Variants in TEKT5 observed in about 807,000 individuals in gnomAD.
TEKT5 encodes the protein tektin 5, also known as tektin-5.
Under a neutral mutation model 48.7 loss-of-function variants are expected in TEKT5, and 52 were observed. The observed-to-expected ratio is 1.07, with a 90% CI of 0.86 to 1.35. The LOEUF (loss-of-function observed/expected upper bound fraction) is 1.35, where lower values mean the gene tolerates loss of function less well. TEKT5 is among the 40% of genes most tolerant of loss of function. The pLI is 0.00. For missense variants in TEKT5, 831 were observed against 641.6 expected (o/e 1.30, Z -3.19); for synonymous variants, 318 against 267.6 (o/e 1.19, Z -1.84).
At chr16:10,681,371 CTCTCTG>C (rs1439875997) in intron 4 of TEKT5, among the ~76,000 whole-genome samples, 993 of 30,726 alleles carry the variant, frequency 0.032, 16 homozygotes, top group African/African-American at 0.19. Context: ...CCAGATTCCA[CTCTCTG>C]TCTCTCTCTC....
At chr16:10,649,579 C>T (rs749029708) in intron 5 of TEKT5, among the ~76,000 whole-genome samples, 12 of 151,692 alleles carry the variant, frequency 7.9e-5, no homozygotes, top group African/African-American at 1.2e-4. Context: ...GGACTACAGA[C>T]GTACACCACC....
At chr16:10,652,603 G>A (rs28528804) in intron 5 of TEKT5, among the ~76,000 whole-genome samples, 6 of 12,236 alleles carry the variant, frequency 4.9e-4, no homozygotes, top group East Asian at 2.6e-3. Context: ...TACACAGGCA[G>A]ACACACACAC....
At chr16:10,628,729 A>AC (rs1163198986) in intron 6 of TEKT5, among the ~76,000 whole-genome samples, 13 of 152,034 alleles carry the variant, frequency 8.6e-5, no homozygotes, top group African/African-American at 3.1e-4. Flanking sequence ...ACATGGTGAA[A>AC]CCCCATCTCT....
intron 3 of TEKT5, among the ~76,000 whole-genome samples, chr16:10,685,968 G>A (rs1269007169): frequency 2.0e-5 from 3 of 152,108 alleles, no homozygotes; most frequent in Admixed American, 6.6e-5. Context: ...TCACTCTGCC[G>A]GCTCAAACTA....
intron 5 of TEKT5, among the ~76,000 whole-genome samples, chr16:10,659,124 C>T (rs1898316318): frequency 6.6e-6 from 1 of 152,202 alleles, no homozygotes. Context: ...ACCCCGCAAG[C>T]TGTGACAACC....
intron 6 of TEKT5, among the ~76,000 whole-genome samples, chr16:10,628,866 A>T (rs1458580427): frequency 6.7e-6 from 1 of 148,990 alleles, no homozygotes; most frequent in African/African-American, 2.5e-5. Flanking sequence ...AGATCACATC[A>T]TTGCACTCCA....
chr16:10,627,943 A>C, intron 6 of TEKT5, 144 bp from the exon 7 acceptor site: 1 of 638,432 alleles, frequency 1.6e-6, no homozygotes, highest in South Asian at 2.1e-5. Flanking sequence ...CCCGGGTTCA[A>C]GTAATTCTGC....
Position 10,627,640 on chromosome 16 carries a change from C to T in TEKT5, c.1401G>A (p.Lys467=). Residue 467 remains lysine (K), a synonymous_variant, in exon 7 of 7, where the codon AAG becomes AAA. Transcript: ENST00000283025. ...KANTLCIDKE[K]CMGMRKTFPC... ...GGAAGGTCTTACGCATGCCCATGCA[C>T]TTCTCCTTGTCGATGCAGAGGGTGT... The T allele has an allele frequency of 6.2e-7, 1 of 1,614,226 alleles. No individual in the cohort carries two copies. The highest frequency in any genetic ancestry group is 8.5e-7 in the Non-Finnish European group (1 of 1,180,042).
chr16:10,659,048 G>A (rs879393435), intron 5 of TEKT5, among the ~76,000 whole-genome samples: 1 of 152,146 alleles, frequency 6.6e-6, no homozygotes, highest in Non-Finnish European at 1.5e-5. Context: ...TGTGGTATCT[G>A]TCCTGTGCAT....
chr16:10,677,327 G>A (rs563324143), intron 4 of TEKT5, among the ~76,000 whole-genome samples: 2 of 147,798 alleles, frequency 1.4e-5, no homozygotes, highest in East Asian at 2.0e-4. Context: ...AATGTATGAA[G>A]TGCTGAATGT....
Position 10,689,947 on chromosome 16 carries a change from T to G in TEKT5, c.643A>C (p.Ile215Leu). Reference sequence around the variant, plus strand: ...AGAACCAGGAGATGCCTTACCCGGATAAGGTTTTTCTCCACGTTGTCATGG... The same window carrying G: ...AGAACCAGGAGATGCCTTACCCGGAGAAGGTTTTTCTCCACGTTGTCATGG... ...LVHDNVEKNL[I>L]REVDLLKCCQ... Residue 215 changes from isoleucine (I) to leucine (L), a missense_variant, in exon 2 of 7, where the codon ATC becomes CTC. Transcript: ENST00000283025. The G allele has an allele frequency of 6.2e-7, 1 of 1,613,994 alleles. No individual in the cohort carries two copies. The highest frequency in any genetic ancestry group is 2.2e-5 in the East Asian group (1 of 44,872).
At chr16:10,685,175 C>T (rs945273473) in intron 3 of TEKT5, among the ~76,000 whole-genome samples, 12 of 152,196 alleles carry the variant, frequency 7.9e-5, no homozygotes, top group Non-Finnish European at 2.9e-5. Context: ...GAAATGCTGC[C>T]CTGACCTGCT....
intron 1 of TEKT5, among the ~76,000 whole-genome samples, chr16:10,690,942 G>C (rs1318137368): frequency 6.6e-6 from 1 of 152,220 alleles, no homozygotes; most frequent in Non-Finnish European, 1.5e-5. Context: ...AGCCCCTTCT[G>C]TGAGACATGC....
intron 4 of TEKT5, among the ~76,000 whole-genome samples, chr16:10,678,262 C>G (rs1450952836): frequency 6.6e-6 from 1 of 152,072 alleles, no homozygotes; most frequent in Non-Finnish European, 1.5e-5. Flanking sequence ...CCACACTTGG[C>G]TAATTTTTGC....
chr16:10,664,443 G>A (rs1898425893), intron 5 of TEKT5, among the ~76,000 whole-genome samples: 2 of 152,206 alleles, frequency 1.3e-5, no homozygotes, highest in South Asian at 4.1e-4. Context: ...AAATTCCCAG[G>A]TAATGCTGAT....
At chr16:10,690,201 G>A in intron 1 of TEKT5, 176 bp from the exon 2 acceptor site, 3 of 629,980 alleles carry the variant, frequency 4.8e-6, no homozygotes, top group Non-Finnish European at 8.2e-6. Context: ...CTCCCCGGAT[G>A]AGAGCTGTGG....
At chr16:10,684,077 A>G (rs1434873875) in intron 3 of TEKT5, among the ~76,000 whole-genome samples, 1 of 145,656 alleles carries the variant, frequency 6.9e-6, no homozygotes, top group Non-Finnish European at 1.5e-5. Flanking sequence ...CTAAGCCTGG[A>G]CCTTTTTCTG....
At chr16:10,662,771 G>A (rs759846219) in intron 5 of TEKT5, among the ~76,000 whole-genome samples, 1 of 152,174 alleles carries the variant, frequency 6.6e-6, no homozygotes, top group African/African-American at 2.4e-5. Flanking sequence ...TAGCTGGAGT[G>A]GTTAGTGGTG....
At chr16:10,679,608 C>T (rs992009791) in intron 4 of TEKT5, among the ~76,000 whole-genome samples, 32 of 152,022 alleles carry the variant, frequency 2.1e-4, no homozygotes, top group Admixed American at 2.0e-4. Flanking sequence ...TTAAGAAAAC[C>T]CTAAGGCCAG....
Sources: allele counts gnomAD v4.1 joint callset (sites outside exome capture counted in the v4.1 genomes callset), GRCh38; gene constraint gnomAD v4.1.1; transcripts MANE v1.5; gene names NCBI Gene and HGNC (gene_info 2026-07-23, HGNC 2026-07-21).